The following SEMA6C variants were observed in gnomAD, a reference collection of about 807,000 sequenced individuals.
The protein encoded by SEMA6C is semaphorin 6C.
SEMA6C carries 37 observed loss-of-function variants against 72.9 expected under a neutral mutation model. That is an observed-to-expected ratio of 0.51 (90% CI 0.39 to 0.67). SEMA6C has a LOEUF of 0.67. Ranked by LOEUF, SEMA6C falls within the 30% of genes least tolerant of loss-of-function variation. The probability of loss-of-function intolerance (pLI) is 0.00; values close to 1 mark genes in which losing one functional copy is unlikely to be tolerated. For missense variants in SEMA6C, 1,189 were observed against 1,263.6 expected, an observed-to-expected ratio of 0.94 and a Z score of 0.89; for synonymous variants, 578 against 554.1, an observed-to-expected ratio of 1.04 and a Z score of -0.61.
intron 4 of SEMA6C, 43 bp from the exon 5 acceptor site, chr1:151,139,744 C>T (rs746229504): frequency 6.5e-6 from 10 of 1,527,826 alleles, no homozygotes; most frequent in Non-Finnish European, 8.9e-6. Flanking sequence ...AGTCAAGGCA[C>T]CCCACTTTAC....
chr1:151,134,024 G>C (rs773051197), intron 18 of SEMA6C: 1 of 1,535,154 alleles, frequency 6.5e-7, no homozygotes, highest in Admixed American at 2.1e-5. Flanking sequence ...GAGGACTGGG[G>C]GTCCCAGGGG....
In SEMA6C at chr1:151,133,015, C is replaced by A. The variant is rs1281301026; in HGVS notation, c.2262G>T (p.Pro754=). 3 of 1,399,184 alleles carry A rather than the reference C, an allele frequency of 2.1e-6. No homozygotes were observed. Among genetic ancestry groups the A allele is most frequent in the South Asian group, 1.3e-5 (1 of 76,008 alleles). The allele number at this position is 1,399,184 out of a possible 1,614,324, so 86.7% of individuals were successfully genotyped here. The change falls in exon 19 of 19, where the codon CCG becomes CCT. Residue 754 remains proline (P), a synonymous_variant. Coordinates refer to ENST00000368914, the MANE Select transcript of SEMA6C (RefSeq NM_030913.6). This position sits in a 1 kb window ranked among gnomAD's most constrained non-coding sequence, Gnocchi z 5.9. ...PAPRVLVRPP[P]PGCPGQAVEV... ...CCACGGCCTGCCCGGGACAGCCGGG[C>A]GGCGGTGGCCTCACCAGCACGCGGG...
Position 151,133,440 on chromosome 1 carries a change from C to G in SEMA6C, c.1837G>C (p.Ala613Pro). The G allele has an allele frequency of 6.3e-7, 1 of 1,576,986 alleles. No individual in the cohort carries two copies. Among genetic ancestry groups the G allele is most frequent in the Middle Eastern group, 1.9e-4 (1 of 5,222 alleles). Residue 613 changes from alanine (A) to proline (P), a missense_variant, in exon 19 of 19, where the codon GCT becomes CCT. This residue lies in a region of SEMA6C where 721 missense variants were observed against 686.2 expected (regional missense o/e 1.05). Transcript: ENST00000368914. The surrounding 1 kb of genome is among the most constrained non-coding windows in gnomAD (Gnocchi z 5.9). Reference protein sequence around the residue: ...IPLLLASVAAAFALGASVSGL... With the variant: ...IPLLLASVAAPFALGASVSGL... ...GAGACTGAGGCGCCCAGGGCAAAAG[C>G]TGCGGCCACACTGGCCAGGAGGAGT...
At chr1:151,134,338 A>G (rs891325043) in intron 18 of SEMA6C, 63 bp downstream of exon 18, 51 of 1,443,746 alleles carry the variant, frequency 3.5e-5, no homozygotes, top group Non-Finnish European at 4.6e-5. Flanking sequence ...CTGCTGCTAC[A>G]GGACACACAC....
At chr1:151,137,929 T>TC in intron 9 of SEMA6C, 57 bp downstream of exon 9, 1 of 1,597,712 alleles carries the variant, frequency 6.3e-7, no homozygotes, top group Non-Finnish European at 8.5e-7. Flanking sequence ...CCCGCCACAG[T>TC]CCTCCCTCTG....
intron 3 of SEMA6C, 102 bp from the exon 4 acceptor site, chr1:151,140,192 G>T: frequency 1.1e-6 from 1 of 899,478 alleles, no homozygotes; most frequent in Non-Finnish European, 1.8e-6. Context: ...GATGTGTGAG[G>T]TTAGAGTGCC....
chr1:151,135,712 T>TGC lies in SEMA6C; in HGVS notation c.1311_1312insGC (p.Ile438AlafsTer15). On this transcript the variant is annotated frameshift_variant, in exon 14 of 19. Coordinates refer to ENST00000368914, the MANE Select transcript of SEMA6C (RefSeq NM_030913.6). LOFTEE classifies it high-confidence loss of function. ...TTGGAGCCAAGGAACATGACTGTGA[T>TGC]GTTACTGTGGGGACCAGCCATGCCA... 1 of 1,614,172 alleles carries TGC rather than the reference T, an allele frequency of 6.2e-7. No individual in the cohort carries two copies. The highest frequency in any genetic ancestry group is 8.5e-7 in the Non-Finnish European group (1 of 1,180,000).
At position 151,133,042 on chromosome 1, in the gene SEMA6C, C is replaced by T. The variant is rs2101606839; in HGVS notation, c.2235G>A (p.Ala745=). 1 of 1,399,646 alleles carries T rather than the reference C, an allele frequency of 7.1e-7. No homozygotes were observed. The highest frequency in any genetic ancestry group is 1.4e-5 in the South Asian group (1 of 70,638). The allele number at this position is 1,399,646 out of a possible 1,614,324, so 86.7% of individuals were successfully genotyped here. ...SRGGHAAGGP[A]PRVLVRPPPP... ...GCGGTGGCCTCACCAGCACGCGGGGCGCGGGCCCGCCCGCCGCGTGCCCGC... is the reference window on the plus strand; with the variant it reads ...GCGGTGGCCTCACCAGCACGCGGGGTGCGGGCCCGCCCGCCGCGTGCCCGC... Residue 745 remains alanine, a synonymous_variant, in exon 19 of 19, where the codon GCG becomes GCA. Coordinates refer to ENST00000368914, the MANE Select transcript of SEMA6C (RefSeq NM_030913.6). This position sits in a 1 kb window ranked among gnomAD's most constrained non-coding sequence, Gnocchi z 5.9.
rs200016948 is a variant in SEMA6C, at chr1:151,133,481, C to T, written c.1796G>A (p.Arg599His). ...RRDLPPASASRSVPIPLLLAS... is the reference protein window; with the variant it reads ...RRDLPPASASHSVPIPLLLAS... ...CAGGAGGAGTGGGATGGGGACGGAG[C>T]GGGAGGCCGAGGCTGGGGGCAGGTC... is the stretch of plus-strand genomic sequence containing the variant. The change falls in exon 19 of 19, where the codon CGC becomes CAC. Residue 599 changes from arginine to histidine, a missense_variant. Physicochemically the swap from Arg to His is conservative, Grantham distance 29. Coordinates refer to ENST00000368914, the MANE Select transcript of SEMA6C (RefSeq NM_030913.6). This position sits in a 1 kb window ranked among gnomAD's most constrained non-coding sequence, Gnocchi z 5.9. 14 of 1,540,134 alleles carry T rather than the reference C, an allele frequency of 9.1e-6. No individual in the cohort carries two copies. The highest frequency in any genetic ancestry group is 1.1e-5 in the Non-Finnish European group (13 of 1,148,114).
intron 13 of SEMA6C, 63 bp downstream of exon 13, chr1:151,135,939 CTTGTTGGGT>C: frequency 6.3e-7 from 1 of 1,598,998 alleles, no homozygotes; most frequent in Non-Finnish European, 8.6e-7. Flanking sequence ...TGCGGTTTAC[CTTGTTGGGT>C]CAAAGAAAGA....
chr1:151,139,836 C>G, intron 4 of SEMA6C, 135 bp from the exon 5 acceptor site: 1 of 1,227,940 alleles, frequency 8.1e-7, no homozygotes, highest in Non-Finnish European at 1.2e-6. Flanking sequence ...GGCATTTGTG[C>G]TCTGGGTCCA....
rs376541339 is a variant in SEMA6C, at chr1:151,138,078, G to A, written c.575C>T (p.Ala192Val). Reference sequence around the variant, plus strand: ...TACAGCATCACTGGCCTGGAAATCCGCAGCTGTGGCTGAGTACAGGCTGCC... The same window carrying A: ...TACAGCATCACTGGCCTGGAAATCCACAGCTGTGGCTGAGTACAGGCTGCC... ...AEGSLYSATAADFQASDAVVY... is the reference protein window; with the variant it reads ...AEGSLYSATAVDFQASDAVVY... The change falls in exon 9 of 19, where the codon GCG (alanine) becomes GTG (valine). Residue 192 changes from alanine (A) to valine (V), a missense_variant. Ala to Val is a moderately conservative substitution (Grantham distance 64, BLOSUM62 0). Around this residue, in one of 2 missense-constraint regions of SEMA6C, gnomAD observed 468 missense variants for 577.4 expected, o/e 0.81. Coordinates refer to ENST00000368914, the MANE Select transcript of SEMA6C (RefSeq NM_030913.6). 111 of 1,614,038 alleles carry A rather than the reference G, an allele frequency of 6.9e-5. No homozygotes were observed. The highest frequency in any genetic ancestry group is 1.2e-4 in the Admixed American group (7 of 60,002).
At position 151,137,400 on chromosome 1, in the gene SEMA6C, G is replaced by C. The variant is rs1436569623; in HGVS notation, c.756+311C>G. ...GGCGGAGCTTGCAGTGAGCCAAGAT[G>C]GCGCCACTGCACTCCAGCCTGGGCG... On this transcript the variant is annotated intron_variant, in intron 10 of 18. Coordinates refer to ENST00000368914, the MANE Select transcript of SEMA6C (RefSeq NM_030913.6). Among the ~76,000 whole-genome samples the C allele has an allele frequency of 1.5e-4, 22 of 142,586 alleles. No homozygotes were observed. The Admixed American group carries it at 1.7e-3, about 11-fold the overall frequency. 93.5% of individuals were successfully genotyped at this position (142,586 alleles called of 152,430 possible). A position where few individuals can be genotyped will look rare whatever the true frequency, so the allele number is the denominator to read the frequency against.
rs753150514 is a variant in SEMA6C, at chr1:151,142,568, T to G, written c.54A>C (p.Ser18=). The G allele has an allele frequency of 6.2e-7, 1 of 1,608,826 alleles. No homozygotes were observed. Among genetic ancestry groups the G allele is most frequent in the South Asian group, 1.1e-5 (1 of 90,290 alleles). ...MPLLLLLLLL[S]LPHTQAAFPQ... ...GAAAGGCGGCCTGAGTATGGGGAAG[T>G]GAGAGCAGCAGCAGCAGTAGCAGCA... Residue 18 remains serine, a synonymous_variant, in exon 3 of 19, where the codon TCA becomes TCC. Coordinates refer to ENST00000368914, the MANE Select transcript of SEMA6C (RefSeq NM_030913.6).
intron 18 of SEMA6C, 137 bp downstream of exon 18, chr1:151,134,264 G>A: frequency 1.1e-6 from 1 of 878,332 alleles, no homozygotes; most frequent in Non-Finnish European, 1.9e-6. Context: ...TGAGCTACAT[G>A]CTGGGTATCT....
Position 151,140,009 on chromosome 1 carries a change from A to C in SEMA6C, c.200T>G (p.Leu67Arg), listed in dbSNP as rs369200008. Residue 67 changes from leucine to arginine, a missense_variant, in exon 4 of 19, where the codon CTG (leucine) becomes CGG (arginine). Leu to Arg is a moderately radical substitution (Grantham distance 102, BLOSUM62 -2). Transcript: ENST00000368914. ...CACTAGCAAGGTCCGGTTCAAGGTC[A>C]GGAATCTCTGAAAGTCCAGCCCAAG... The part of the protein sequence containing the change: ...AELGLDFQRF[L>R]TLNRTLLVAA... 1.4e-5 allele frequency: 22 copies of C among 1,614,082 alleles called. No homozygotes were observed. The highest frequency in any genetic ancestry group is 6.7e-5 in the Admixed American group (4 of 60,010).
rs758089098 is a variant in SEMA6C at position 151,132,679 on chromosome 1, T to C, written c.2598A>G (p.Arg866=). ...GHRAPPALLT[R]VPSGGPSRYS... The stretch of plus-strand genomic sequence containing the variant: ...ACCTGGAGGGACCTCCCGAGGGGAC[T>C]CGAGTGAGCAGGGCAGGGGGGGCCC... The change falls in exon 19 of 19, where the codon CGA becomes CGG. Residue 866 remains arginine, a synonymous_variant. Transcript: ENST00000368914. 22 of 1,545,042 alleles carry C rather than the reference T, an allele frequency of 1.4e-5. No individual in the cohort carries two copies. The highest frequency in any genetic ancestry group is 4.0e-5 in the Admixed American group (2 of 50,192).
In SEMA6C at chr1:151,136,479, G is replaced by A. The variant is rs1682030793; in HGVS notation, c.1075C>T (p.Pro359Ser). 2.5e-6 allele frequency: 4 copies of A among 1,613,990 alleles called. No individual in the cohort carries two copies. Among genetic ancestry groups the A allele is most frequent in the African/African-American group, 2.7e-5 (2 of 74,990 alleles). ...GAGGGAACTCTGTCCTCAGACACAG[G>A]AGTCCAGGCCCCATCCAGACTCCTC... ...EQRSLDGAWT[P>S]VSEDRVPSPR... The change falls in exon 12 of 19, where the codon CCT becomes TCT. Residue 359 changes from proline (P) to serine (S), a missense_variant. Physicochemically the swap from Pro to Ser is moderately conservative, Grantham distance 74. Around this residue, in one of 2 missense-constraint regions of SEMA6C, gnomAD observed 468 missense variants for 577.4 expected, o/e 0.81. Transcript: ENST00000368914.
intron 10 of SEMA6C, among the ~76,000 whole-genome samples, chr1:151,137,418 C>T (rs11809569): frequency 0.012 from 1,544 of 131,352 alleles, 41 homozygotes; most frequent in African/African-American, 0.041. Flanking sequence ...TGCACTCCAG[C>T]CTGGGCGACA....
Sources: allele counts gnomAD v4.1 joint callset (sites outside exome capture counted in the v4.1 genomes callset), GRCh38; gene constraint gnomAD v4.1.1; regional missense constraint gnomAD v4.1.1; non-coding constraint Gnocchi (gnomAD v3.1); transcripts MANE v1.5; gene names NCBI Gene and HGNC (gene_info 2026-07-23, HGNC 2026-07-21).